The following CCNE1 variants were observed in gnomAD, a reference collection of about 807,000 sequenced individuals.
The protein encoded by CCNE1 is cyclin E1.
Under a neutral mutation model 54.1 loss-of-function variants are expected in CCNE1, and 8 were observed. That is an observed-to-expected ratio of 0.15 (90% CI 0.09 to 0.27). The LOEUF (loss-of-function observed/expected upper bound fraction) is 0.27, where lower values mean the gene tolerates loss of function less well. CCNE1 is among the 10% of genes least tolerant of loss of function. The probability of loss-of-function intolerance (pLI) is 1.00; values close to 1 mark genes in which losing one functional copy is unlikely to be tolerated. For missense variants in CCNE1, 430 were observed against 514.9 expected (o/e 0.84, Z 1.60); for synonymous variants, 179 against 185.2 (o/e 0.97, Z 0.27).
intron 7 of CCNE1, 100 bp from the exon 8 acceptor site, chr19:29,821,622 T>C (rs1424546836): frequency 3.3e-6 from 2 of 613,584 alleles, no homozygotes; most frequent in Non-Finnish European, 5.9e-6. Context: ...GCCCTCTCTC[T>C]TTCCATGCCA....
intron 6 of CCNE1, among the ~76,000 whole-genome samples, chr19:29,819,508 C>G (rs953506580): frequency 7.9e-5 from 12 of 152,122 alleles, no homozygotes; most frequent in Non-Finnish European, 1.5e-4. Context: ...TCTCCAACTC[C>G]TGGGATCAAG....
At chr19:29,822,846 A>G (rs1036704832) in intron 11 of CCNE1, among the ~76,000 whole-genome samples, 2 of 152,052 alleles carry the variant, frequency 1.3e-5, no homozygotes, top group African/African-American at 4.8e-5. Flanking sequence ...CGAGAGGCTA[A>G]GGCAGGAGAA....
At position 29,821,903 on chromosome 19, in the gene CCNE1, T is replaced by C. The variant is rs2066267647; in HGVS notation, c.705+86T>C. 2.4e-5 allele frequency: 37 copies of C among 1,511,978 alleles called. 1 individual carries two copies. In the South Asian group the frequency reaches 4.0e-4, roughly 16 times the overall value. The allele number at this position is 1,511,978 out of a possible 1,614,324, so 93.7% of individuals were successfully genotyped here. On this transcript the variant is annotated intron_variant, in intron 8 of 11. Transcript: ENST00000262643. ...GAAGTGTGAGTGCCTCTGGGAGGTG[T>C]TCTCCAGCTGGACACATTGTGGCAT...
chr19:29,817,569 A>G, intron 6 of CCNE1, 28 bp downstream of exon 6: 2 of 1,613,936 alleles, frequency 1.2e-6, no homozygotes, highest in Admixed American at 1.7e-5. Context: ...TGTTCGCTTC[A>G]TGAAAGCACT....
At chr19:29,818,240 A>C (rs1183511092) in intron 6 of CCNE1, among the ~76,000 whole-genome samples, 13 of 152,032 alleles carry the variant, frequency 8.6e-5, no homozygotes, top group Non-Finnish European at 1.5e-5. Flanking sequence ...GTTAGCCAGG[A>C]TGGTCTCGAT....
intron 4 of CCNE1, among the ~76,000 whole-genome samples, chr19:29,816,554 G>C (rs573879518): frequency 6.6e-6 from 1 of 152,070 alleles, no homozygotes; most frequent in South Asian, 2.1e-4. Context: ...TGTTCATTCT[G>C]TTTGTTTCGA....
intron 6 of CCNE1, 121 bp from the exon 7 acceptor site, chr19:29,820,581 T>G: frequency 1.4e-6 from 1 of 706,784 alleles, no homozygotes; most frequent in Admixed American, 3.0e-5. Flanking sequence ...AACTATCAAT[T>G]GTTGAGTTCA....
intron 11 of CCNE1, among the ~76,000 whole-genome samples, chr19:29,823,108 AT>A (rs368149591): frequency 0.036 from 5,419 of 151,762 alleles, 117 homozygotes; most frequent in Admixed American, 0.038. Context: ...GCTCTTTGAT[AT>A]TTTTTTTTCT....
In CCNE1 at chr19:29,823,900, C is replaced by A; in HGVS notation, c.*123C>A. 9.2e-7 allele frequency: 1 copy of A among 1,092,530 alleles called. No homozygotes were observed. Among genetic ancestry groups the A allele is most frequent in the Non-Finnish European group, 1.3e-6 (1 of 786,038 alleles). The allele number at this position is 1,092,530 out of a possible 1,614,324, so 67.7% of individuals were successfully genotyped here. A position where few individuals can be genotyped will look rare whatever the true frequency, so the allele number is the denominator to read the frequency against. The stretch of plus-strand genomic sequence containing the variant: ...GAATGGAAGAGTGTTTCTTCCACAA[C>A]AGAAGTATTTCTGTGGATGGCATCA... On this transcript the variant is annotated 3_prime_UTR_variant, in exon 12 of 12. Coordinates refer to ENST00000262643, the MANE Select transcript of CCNE1 (RefSeq NM_001238.4).
rs760544447 is a variant in CCNE1, at chr19:29,824,115, G to A, written c.*338G>A. On this transcript the variant is annotated 3_prime_UTR_variant, in exon 12 of 12. Transcript: ENST00000262643. ...GGGCCACGGTGGCGTGGCTCTCCTC[G>A]CAGGTGTTCTGGGCTCCGTTGTACC... 4.7e-4 allele frequency: 136 copies of A among 286,746 alleles called. No homozygotes were observed. The highest frequency in any genetic ancestry group is 6.6e-4 in the Non-Finnish European group (100 of 152,600). The allele number at this position is 286,746 out of a possible 1,614,324, so 17.8% of individuals were successfully genotyped here. A position where few individuals can be genotyped will look rare whatever the true frequency, so the allele number is the denominator to read the frequency against.
At position 29,819,260 on chromosome 19, in the gene CCNE1, A is replaced by G. The variant is rs144430990; in HGVS notation, c.463-1442A>G. ...CTGTCTCAATTTTTTTTTTAAGCAT[A>G]TTTTTAAAGATATTTGGACCATTGG... is the stretch of plus-strand genomic sequence containing the variant. On this transcript the variant is annotated intron_variant, in intron 6 of 11. Coordinates refer to ENST00000262643, the MANE Select transcript of CCNE1 (RefSeq NM_001238.4). Among the ~76,000 whole-genome samples the G allele has an allele frequency of 3.5e-3, 532 of 151,516 alleles. 6 individuals carry two copies. The highest frequency in any genetic ancestry group is 0.011 in the African/African-American group (460 of 41,252).
chr19:29,816,071 G>A (rs1041651371), intron 4 of CCNE1, among the ~76,000 whole-genome samples: 2 of 150,654 alleles, frequency 1.3e-5, no homozygotes, highest in Non-Finnish European at 1.5e-5. Flanking sequence ...CAGGAGGATC[G>A]CTTGACCCCA....
chr19:29,816,853 TC>T (rs956311675), intron 4 of CCNE1, among the ~76,000 whole-genome samples: 5 of 90,096 alleles, frequency 5.5e-5, no homozygotes, highest in African/African-American at 1.7e-4. Flanking sequence ...CCCTCCCCCC[TC>T]CCCCCCATTT....
At position 29,822,335 on chromosome 19, in the gene CCNE1, G is replaced by C; in HGVS notation, c.936G>C (p.Leu312Phe). The change falls in exon 10 of 12, where the codon TTG (leucine) becomes TTC (phenylalanine). Residue 312 changes from leucine (L) to phenylalanine (F), a missense_variant. Around this residue, in one of 2 missense-constraint regions of CCNE1, gnomAD observed 303 missense variants for 401.1 expected, o/e 0.76. Coordinates refer to ENST00000262643, the MANE Select transcript of CCNE1 (RefSeq NM_001238.4). ...TGTATCATTTCTCGTCATCTGAATT[G>C]ATGCAAAAGGTTTCAGGTAAGTTGG... ...SALYHFSSSE[L>F]MQKVSGYQWC... 1 of 1,614,028 alleles carries C rather than the reference G, an allele frequency of 6.2e-7. No individual in the cohort carries two copies. Among genetic ancestry groups the C allele is most frequent in the Admixed American group, 1.7e-5 (1 of 60,012 alleles).
In CCNE1 at chr19:29,812,529, C is replaced by G; in HGVS notation, c.-24-3C>G. 7.5e-7 allele frequency: 1 copy of G among 1,341,468 alleles called. No homozygotes were observed. 83.1% of individuals were successfully genotyped at this position (1,341,468 alleles called of 1,614,324 possible). ...CGCCGCCTCACCCCGCGCCGCCCCG[C>G]AGGCCTCAGGCCGGAGCAGCCCCAT... On this transcript the variant is annotated splice_polypyrimidine_tract_variant and splice_region_variant and intron_variant, in intron 1 of 11. Coordinates refer to ENST00000262643, the MANE Select transcript of CCNE1 (RefSeq NM_001238.4).
In CCNE1 at chr19:29,822,029, G is replaced by A. The variant is rs1303375022; in HGVS notation, c.739G>A (p.Val247Met). The change falls in exon 9 of 12, where the codon GTG becomes ATG. Residue 247 changes from valine (V) to methionine (M), a missense_variant. Coordinates refer to ENST00000262643, the MANE Select transcript of CCNE1 (RefSeq NM_001238.4). The part of the protein sequence containing the change: ...LKWRLSPLTI[V>M]SWLNVYMQVA... ...GTGGCGTTTAAGTCCCCTGACTATT[G>A]TGTCCTGGCTGAATGTATACATGCA... The A allele has an allele frequency of 6.2e-7, 1 of 1,613,606 alleles. No homozygotes were observed. Among genetic ancestry groups the A allele is most frequent in the Non-Finnish European group, 8.5e-7 (1 of 1,179,666 alleles).
intron 4 of CCNE1, among the ~76,000 whole-genome samples, chr19:29,815,622 CTT>C (rs778868229): frequency 0.027 from 2,722 of 99,612 alleles, 89 homozygotes; most frequent in African/African-American, 0.092. Flanking sequence ...ATGGTCTCTG[CTT>C]TTTTTTTTTT....
intron 7 of CCNE1, 46 bp downstream of exon 7, chr19:29,820,894 G>A (rs753315800): frequency 9.8e-6 from 14 of 1,433,444 alleles, no homozygotes; most frequent in Middle Eastern, 2.4e-4. Flanking sequence ...GTTATTTCTC[G>A]AGCTCCACTG....
chr19:29,815,463 A>C (rs1973990246), intron 4 of CCNE1, among the ~76,000 whole-genome samples: 1 of 152,172 alleles, frequency 6.6e-6, no homozygotes, highest in African/African-American at 2.4e-5. Flanking sequence ...TTGCTCTTCT[A>C]ACTGAAAGTG....
Sources: allele counts gnomAD v4.1 joint callset (sites outside exome capture counted in the v4.1 genomes callset), GRCh38; gene constraint gnomAD v4.1.1; regional missense constraint gnomAD v4.1.1; transcripts MANE v1.5; gene names NCBI Gene and HGNC (gene_info 2026-07-23, HGNC 2026-07-21).